Variants in AGBL4 observed in about 807,000 individuals in gnomAD.
The protein encoded by AGBL4 is AGBL carboxypeptidase 4.
A neutral mutation model predicts 66.4 loss-of-function variants in AGBL4; 58 were observed. The ratio of observed to expected loss-of-function variants is 0.87; its 90% CI spans 0.71 to 1.09. AGBL4 has a LOEUF of 1.09. Among genes scored for constraint, AGBL4 ranks in the 50% least tolerant of loss-of-function variants. The pLI, the probability that AGBL4 is intolerant of heterozygous loss-of-function variation, is 0.00. For missense variants in AGBL4, 579 were observed against 631.0 expected (o/e 0.92, Z 0.88); for synonymous variants, 234 against 222.9 (o/e 1.05, Z -0.44).
chr1:48,610,842 G>C (rs1159143098), intron 9 of AGBL4, among the ~76,000 whole-genome samples: 3 of 152,118 alleles, frequency 2.0e-5, no homozygotes, highest in Non-Finnish European at 4.4e-5. Context: ...TGATGAATGA[G>C]GAGTCTCTCC....
intron 5 of AGBL4, among the ~76,000 whole-genome samples, chr1:48,898,784 G>A (rs2148865997): frequency 6.6e-6 from 1 of 152,228 alleles, no homozygotes; most frequent in African/African-American, 2.4e-5. Flanking sequence ...GGCTTTTACG[G>A]TTCCATATAT....
At chr1:49,508,583 T>C (rs1158040949) in intron 3 of AGBL4, among the ~76,000 whole-genome samples, 4 of 151,966 alleles carry the variant, frequency 2.6e-5, no homozygotes, top group African/African-American at 9.7e-5. Flanking sequence ...CCAGGTCTCT[T>C]AGAAAAGTAA....
chr1:48,534,672 C>T (rs1643940397), intron 13 of AGBL4, among the ~76,000 whole-genome samples: 1 of 152,114 alleles, frequency 6.6e-6, no homozygotes, highest in South Asian at 2.1e-4. Flanking sequence ...GTTGATGAGT[C>T]ATGAATAAGG....
chr1:49,328,167 A>G (rs1557843006), intron 3 of AGBL4, among the ~76,000 whole-genome samples: 1 of 152,228 alleles, frequency 6.6e-6, no homozygotes, highest in Non-Finnish European at 1.5e-5. Flanking sequence ...CATGCCTTCC[A>G]AGATGAACTT....
At chr1:49,947,566 G>A (rs947959123) in intron 1 of AGBL4, among the ~76,000 whole-genome samples, 1 of 151,720 alleles carries the variant, frequency 6.6e-6, no homozygotes, top group Admixed American at 6.6e-5. Context: ...AGCCATCTAT[G>A]ACAAATCCAC....
At chr1:49,388,093 A>T (rs1003665941) in intron 3 of AGBL4, among the ~76,000 whole-genome samples, 81 of 152,114 alleles carry the variant, frequency 5.3e-4, no homozygotes, top group African/African-American at 1.9e-3. Context: ...TATGTCCCCC[A>T]GTCAGTTAAC....
At chr1:49,902,384 C>T (rs1004459103) in intron 1 of AGBL4, among the ~76,000 whole-genome samples, 1 of 152,148 alleles carries the variant, frequency 6.6e-6, no homozygotes, top group African/African-American at 2.4e-5. Context: ...GATATGAACA[C>T]TTTTCAAAAG....
chr1:49,744,807 T>C (rs935539148), intron 2 of AGBL4, among the ~76,000 whole-genome samples: 4 of 152,068 alleles, frequency 2.6e-5, no homozygotes, highest in Non-Finnish European at 5.9e-5. Flanking sequence ...AAGAAAGCTA[T>C]ATAGAAACAA....
intron 5 of AGBL4, among the ~76,000 whole-genome samples, chr1:48,896,921 T>A (rs1016610657): frequency 2.0e-5 from 3 of 152,192 alleles, no homozygotes; most frequent in Non-Finnish European, 4.4e-5. Flanking sequence ...TCTTCAAGGG[T>A]TTCACAGGCT....
At chr1:48,773,353 C>T (rs1447641775) in intron 6 of AGBL4, among the ~76,000 whole-genome samples, 1 of 152,102 alleles carries the variant, frequency 6.6e-6, no homozygotes, top group Admixed American at 6.6e-5. Context: ...TCACAACCTG[C>T]TTGGCAAATA....
intron 4 of AGBL4, among the ~76,000 whole-genome samples, chr1:49,079,381 G>A (rs894416043): frequency 6.6e-6 from 1 of 152,108 alleles, no homozygotes; most frequent in Non-Finnish European, 1.5e-5. Context: ...GGAGGCCTCA[G>A]GAAACTTACA....
At chr1:49,638,588 G>A (rs1043730142) in intron 3 of AGBL4, among the ~76,000 whole-genome samples, 1 of 152,066 alleles carries the variant, frequency 6.6e-6, no homozygotes, top group Non-Finnish European at 1.5e-5. Context: ...ATTGAATCAT[G>A]GGTTCCAGTT....
At chr1:49,875,691 C>T (rs1487835626) in intron 1 of AGBL4, among the ~76,000 whole-genome samples, 29 of 140,558 alleles carry the variant, frequency 2.1e-4, no homozygotes, top group African/African-American at 7.1e-4. Flanking sequence ...ATGGCTGGGT[C>T]AAATGGTATT....
chr1:49,875,120 T>A (rs1252865592), intron 1 of AGBL4, among the ~76,000 whole-genome samples: 1 of 148,780 alleles, frequency 6.7e-6, no homozygotes, highest in Non-Finnish European at 1.5e-5. Flanking sequence ...AATGATGATT[T>A]CCAATTTCTT....
At chr1:49,124,555 G>A (rs1645727742) in intron 4 of AGBL4, among the ~76,000 whole-genome samples, 1 of 152,150 alleles carries the variant, frequency 6.6e-6, no homozygotes, top group Non-Finnish European at 1.5e-5. Context: ...TCAATGGAGA[G>A]GAACAGGATC....
chr1:49,911,187 T>C (rs954310274), intron 1 of AGBL4, among the ~76,000 whole-genome samples: 1 of 152,162 alleles, frequency 6.6e-6, no homozygotes, highest in Non-Finnish European at 1.5e-5. Context: ...AGTGGGGTTG[T>C]ATAGTGCCAT....
intron 3 of AGBL4, among the ~76,000 whole-genome samples, chr1:49,513,301 C>G (rs1467917741): frequency 6.6e-6 from 1 of 151,836 alleles, no homozygotes; most frequent in African/African-American, 2.4e-5. Context: ...ATTTTAGATA[C>G]GGGGGTACAT....
intron 8 of AGBL4, among the ~76,000 whole-genome samples, chr1:48,649,877 T>A (rs1645899073): frequency 6.6e-6 from 1 of 152,234 alleles, no homozygotes; most frequent in African/African-American, 2.4e-5. Context: ...AAAAGCCTCA[T>A]AACTCTATAG....
chr1:48,760,334 G>A (rs1644188496), intron 6 of AGBL4, among the ~76,000 whole-genome samples: 1 of 152,200 alleles, frequency 6.6e-6, no homozygotes, highest in Non-Finnish European at 1.5e-5. Flanking sequence ...TGTAGGAAGT[G>A]CAGACAACTG....
Sources: gnomAD v4.1 joint callset for allele counts (sites outside exome capture counted in the v4.1 genomes callset) on GRCh38, gnomAD v4.1.1 for gene constraint, MANE v1.5 for transcripts, NCBI Gene and HGNC (gene_info 2026-07-23, HGNC 2026-07-21) for gene names.